The following MAGI2 variants were observed in gnomAD, a reference collection of about 807,000 sequenced individuals.
MAGI2 encodes membrane-associated guanylate kinase, WW and PDZ domain-containing protein 2.
Under a neutral mutation model 133.3 loss-of-function variants are expected in MAGI2, and 35 were observed. That is an observed-to-expected ratio of 0.26 (90% CI 0.20 to 0.35). The LOEUF (loss-of-function observed/expected upper bound fraction) is 0.35. Ranked by LOEUF, MAGI2 falls within the 10% of genes least tolerant of loss-of-function variation. The probability of loss-of-function intolerance (pLI) is 1.00; values close to 1 mark genes in which losing one functional copy is unlikely to be tolerated. For synonymous variants in MAGI2, 729 were observed against 710.6 expected (o/e 1.03, Z -0.41); for missense variants, 1,636 against 1,863.4 (o/e 0.88, Z 2.25).
chr7:78,476,682 G>A (rs548732007), intron 6 of MAGI2, among the ~76,000 whole-genome samples: 157 of 152,032 alleles, frequency 1.0e-3, no homozygotes, highest in South Asian at 6.6e-3. Context: ...TGTTCAAGGA[G>A]TTCCCACAAA....
intron 21 of MAGI2, among the ~76,000 whole-genome samples, chr7:78,020,473 AGGT>A (rs1353599934): frequency 6.6e-6 from 1 of 152,150 alleles, no homozygotes; most frequent in Non-Finnish European, 1.5e-5. Context: ...ATTCTGAAAA[AGGT>A]GGCCTAGCAG....
chr7:78,177,873 A>C, intron 14 of MAGI2, 138 bp downstream of exon 14: 1 of 567,986 alleles, frequency 1.8e-6, no homozygotes, highest in Non-Finnish European at 3.1e-6. Context: ...CAGCAAGGAA[A>C]AAAAAAATCC....
At chr7:78,280,963 GTTAAATATTCTTCC>G in intron 9 of MAGI2, among the ~76,000 whole-genome samples, 1 of 151,340 alleles carries the variant, frequency 6.6e-6, no homozygotes, top group East Asian at 1.9e-4. Flanking sequence ...AGCCATAATT[GTTAAATATTCTTCC>G]TTAAACTGAA....
intron 21 of MAGI2, among the ~76,000 whole-genome samples, chr7:78,040,263 G>C (rs962005718): frequency 2.6e-5 from 4 of 152,188 alleles, no homozygotes; most frequent in African/African-American, 9.6e-5. Context: ...GACTTCCTTT[G>C]GATCACCTTG....
intron 2 of MAGI2, among the ~76,000 whole-genome samples, chr7:78,757,376 C>A (rs564860417): frequency 6.6e-6 from 1 of 151,608 alleles, no homozygotes; most frequent in Admixed American, 6.6e-5. Context: ...CTTTAACACA[C>A]AAGCATGCTA....
chr7:78,280,591 C>T (rs1397919139), intron 9 of MAGI2, among the ~76,000 whole-genome samples: 1 of 151,976 alleles, frequency 6.6e-6, no homozygotes, highest in Non-Finnish European at 1.5e-5. Flanking sequence ...CCAAGAGTCC[C>T]GTGACATATA....
At chr7:79,441,550 G>A (rs1217012217) in intron 1 of MAGI2, among the ~76,000 whole-genome samples, 1 of 150,464 alleles carries the variant, frequency 6.6e-6, no homozygotes, top group Non-Finnish European at 1.5e-5. Context: ...TAGTATATAT[G>A]TATTTTGCAC....
At chr7:78,361,164 G>A (rs905702914) in intron 7 of MAGI2, among the ~76,000 whole-genome samples, 2 of 152,168 alleles carry the variant, frequency 1.3e-5, no homozygotes, top group African/African-American at 4.8e-5. Context: ...GGGAGGCTGA[G>A]GCGGGTGGAT....
intron 1 of MAGI2, among the ~76,000 whole-genome samples, chr7:79,161,393 A>G (rs1562952302): frequency 6.6e-6 from 1 of 152,088 alleles, no homozygotes; most frequent in Non-Finnish European, 1.5e-5. Context: ...GCCAAAAATA[A>G]ACTGTACTTT....
intron 9 of MAGI2, among the ~76,000 whole-genome samples, chr7:78,272,631 G>A (rs534503192): frequency 1.8e-4 from 28 of 152,132 alleles, no homozygotes; most frequent in Non-Finnish European, 2.6e-4. Flanking sequence ...CTCCTGTATC[G>A]GGTGCACATA....
chr7:78,978,776 G>C (rs1314697234), intron 2 of MAGI2, among the ~76,000 whole-genome samples: 1 of 151,818 alleles, frequency 6.6e-6, no homozygotes, highest in African/African-American at 2.4e-5. Context: ...CAATGAGCTA[G>C]GTAACTTGGG....
At chr7:78,771,053 C>G (rs1356227180) in intron 2 of MAGI2, 1 of 152,170 alleles carries the variant, frequency 6.6e-6, no homozygotes, top group Non-Finnish European at 1.5e-5. Flanking sequence ...CCAGACACAG[C>G]AACACAAAAC....
At chr7:78,661,172 G>C (rs1027409919) in intron 2 of MAGI2, among the ~76,000 whole-genome samples, 1 of 152,110 alleles carries the variant, frequency 6.6e-6, no homozygotes, top group Non-Finnish European at 1.5e-5. Flanking sequence ...TTTTATAAGA[G>C]TAGACAATGA....
rs577009749 is a variant in MAGI2 at position 78,058,276 on chromosome 7, G to T, written c.3706+20671C>A. The stretch of plus-strand genomic sequence containing the variant: ...CTGCTCATGTGTCTCAAAGTAGCAG[G>T]AAGGTGACACAGAGCCTGGAGCCGG... On this transcript the variant is annotated intron_variant, in intron 21 of 21. Transcript: ENST00000354212. Among the ~76,000 whole-genome samples, 106 of 151,898 alleles carry T rather than the reference G, an allele frequency of 7.0e-4. No homozygotes were observed. The Middle Eastern group carries it at 0.01, about 15-fold the overall frequency.
At position 78,489,753 on chromosome 7, in the gene MAGI2, T is replaced by TA. The variant is rs750587691; in HGVS notation, c.1045+7dup. The stretch of plus-strand genomic sequence containing the variant: ...TTGCTGAAACACCATAAAAACTTAA[T>TA]AACCTACCATTTTCTTTGCACTCTT... On this transcript the variant is annotated splice_region_variant and intron_variant, in intron 6 of 21. Transcript: ENST00000354212. 1.9e-6 allele frequency: 3 copies of TA among 1,605,004 alleles called. No homozygotes were observed. Among genetic ancestry groups the TA allele is most frequent in the Non-Finnish European group, 2.6e-6 (3 of 1,172,618 alleles).
rs572467528 is a variant in MAGI2, at chr7:78,869,133, C to CTA, written c.418+137955_418+137956dup. ...AGAAGTTACCTTTTGTAGATTTTGG[C>CTA]TATTAGTCCTTTGTCAGGTGCATAG... is the stretch of plus-strand genomic sequence containing the variant. On this transcript the variant is annotated intron_variant, in intron 2 of 21. Coordinates refer to ENST00000354212, the MANE Select transcript of MAGI2 (RefSeq NM_012301.4). Among the ~76,000 whole-genome samples, 192 of 152,286 alleles carry CTA rather than the reference C, an allele frequency of 1.3e-3. 1 individual carries two copies. Among genetic ancestry groups the CTA allele is most frequent in the African/African-American group, 4.4e-3 (181 of 41,562 alleles).
At chr7:78,211,794 T>C (rs1360898978) in intron 10 of MAGI2, among the ~76,000 whole-genome samples, 2 of 152,120 alleles carry the variant, frequency 1.3e-5, no homozygotes, top group Non-Finnish European at 2.9e-5. Flanking sequence ...CTTCACTGTT[T>C]TCCACTTTTT....
intron 1 of MAGI2, among the ~76,000 whole-genome samples, chr7:79,020,682 C>T (rs755232047): frequency 6.6e-6 from 1 of 150,594 alleles, no homozygotes; most frequent in South Asian, 2.1e-4. Context: ...AGGAGAATGG[C>T]ATGAACCCAG....
chr7:78,431,908 C>A (rs1006272312), intron 6 of MAGI2, among the ~76,000 whole-genome samples: 17 of 151,904 alleles, frequency 1.1e-4, no homozygotes, highest in African/African-American at 4.1e-4. Flanking sequence ...AGAGTTTTGG[C>A]ATCATGTAGA....
Sources: gnomAD v4.1 joint callset for allele counts (sites outside exome capture counted in the v4.1 genomes callset) on GRCh38, gnomAD v4.1.1 for gene constraint, MANE v1.5 for transcripts, NCBI Gene and HGNC (gene_info 2026-07-23, HGNC 2026-07-21) for gene names.